Variants in RBM34 observed in about 807,000 individuals in gnomAD.
The protein encoded by RBM34 is RNA binding motif protein 34.
A neutral mutation model predicts 44.6 loss-of-function variants in RBM34; 39 were observed. The ratio of observed to expected loss-of-function variants is 0.87; its 90% CI spans 0.68 to 1.14. RBM34 has a LOEUF of 1.14. Among genes scored for constraint, RBM34 ranks in the 50% most tolerant of loss-of-function variants. The pLI is 0.00. For missense variants in RBM34, 572 were observed against 517.9 expected (o/e 1.10, Z -1.01); for synonymous variants, 194 against 184.0 (o/e 1.05, Z -0.44).
rs1031123962 is a variant in RBM34 at position 235,131,641 on chromosome 1, C to T, written c.*72G>A. ...TAAAACTCAACACATGAATAGCAGA[C>T]GATGCTATCAGCAGATAATAGCACT... On this transcript the variant is annotated 3_prime_UTR_variant, in exon 11 of 11. Coordinates refer to ENST00000408888, the MANE Select transcript of RBM34 (RefSeq NM_015014.4). 9 of 1,448,528 alleles carry T rather than the reference C, an allele frequency of 6.2e-6. No individual in the cohort carries two copies. Among genetic ancestry groups the T allele is most frequent in the East Asian group, 4.6e-5 (2 of 43,866 alleles). 89.7% of individuals were successfully genotyped at this position (1,448,528 alleles called of 1,614,324 possible).
intron 3 of RBM34, among the ~76,000 whole-genome samples, chr1:235,159,204 C>T (rs1282942864): frequency 6.8e-6 from 1 of 147,948 alleles, no homozygotes; most frequent in African/African-American, 2.5e-5. Context: ...CAGAGCCAGA[C>T]CTTGTCTCAA....
At chr1:235,137,214 G>A (rs1661464739) in intron 8 of RBM34, among the ~76,000 whole-genome samples, 1 of 152,122 alleles carries the variant, frequency 6.6e-6, no homozygotes, top group South Asian at 2.1e-4. Flanking sequence ...TCAGCTCCTA[G>A]GAAGTTGAGA....
chr1:235,148,609 T>C (rs890345345), intron 5 of RBM34, among the ~76,000 whole-genome samples, 162 bp from the exon 6 acceptor site: 12 of 151,946 alleles, frequency 7.9e-5, no homozygotes, highest in Admixed American at 6.6e-4. Flanking sequence ...TTTTTTTTTT[T>C]TCCTGTTGAG....
At position 235,139,018 on chromosome 1, in the gene RBM34, T is replaced by C. The variant is rs530547782; in HGVS notation, c.702-844A>G. On this transcript the variant is annotated intron_variant, in intron 6 of 10. Transcript: ENST00000408888. ...GTCGCGACTGCTGGTGGGTGTTGTG[T>C]TCTTTCCAGGGAGTCATGTTATGAC... Among the ~76,000 whole-genome samples the C allele has an allele frequency of 2.5e-4, 38 of 152,326 alleles. No individual in the cohort carries two copies. In the South Asian group the frequency reaches 7.5e-3, roughly 30 times the overall value.
intron 6 of RBM34, among the ~76,000 whole-genome samples, chr1:235,146,559 C>A (rs1661915745): frequency 6.6e-6 from 1 of 152,074 alleles, no homozygotes; most frequent in Admixed American, 6.5e-5. Context: ...ACATAAGAAA[C>A]TAAAAACACT....
chr1:235,138,505 AAC>A (rs1661531891), intron 6 of RBM34, among the ~76,000 whole-genome samples: 1 of 152,210 alleles, frequency 6.6e-6, no homozygotes, highest in African/African-American at 2.4e-5. Context: ...CACACATATA[AAC>A]AGTTGTGAAA....
chr1:235,149,199 T>C lies in RBM34; in HGVS notation c.658-752A>G, dbSNP rs565899081. Among the ~76,000 whole-genome samples the C allele has an allele frequency of 4.6e-5, 7 of 151,562 alleles. No individual in the cohort carries two copies. In the South Asian group the frequency reaches 6.3e-4, roughly 14 times the overall value. ...GTCAGGAGGTTGAGACCATCCTGGC[T>C]AACACGGTGAAACCCCATCTCTACT... On this transcript the variant is annotated intron_variant, in intron 5 of 10. Coordinates refer to ENST00000408888, the MANE Select transcript of RBM34 (RefSeq NM_015014.4).
chr1:235,159,678 T>C (rs899023712), intron 3 of RBM34, among the ~76,000 whole-genome samples: 5 of 151,716 alleles, frequency 3.3e-5, no homozygotes, highest in African/African-American at 1.2e-4. Flanking sequence ...AAGACCAACC[T>C]GGCCAACATG....
intron 10 of RBM34, among the ~76,000 whole-genome samples, chr1:235,135,227 T>G (rs373866343): frequency 7.8e-6 from 1 of 127,676 alleles, no homozygotes; most frequent in Non-Finnish European, 1.7e-5. Context: ...AAATTTTTTG[T>G]ATTTTTTTTT....
chr1:235,154,271 C>A (rs911531717), intron 4 of RBM34, among the ~76,000 whole-genome samples: 1 of 149,466 alleles, frequency 6.7e-6, no homozygotes, highest in Non-Finnish European at 1.5e-5. Context: ...GAGAGAGAGA[C>A]AGAATGATGA....
At chr1:235,139,130 T>G (rs1661566553) in intron 6 of RBM34, among the ~76,000 whole-genome samples, 2 of 152,190 alleles carry the variant, frequency 1.3e-5, no homozygotes, top group South Asian at 4.1e-4. Context: ...AATGGTGATA[T>G]AATTTGGATG....
In RBM34 at chr1:235,152,756, A is replaced by T. The variant is rs1479352779; in HGVS notation, c.607T>A (p.Ser203Thr). 11 of 1,580,620 alleles carry T rather than the reference A, an allele frequency of 7.0e-6. No homozygotes were observed. Among genetic ancestry groups the T allele is most frequent in the Non-Finnish European group, 9.4e-6 (11 of 1,164,926 alleles). ...ATTTGTCCATACTCTTTAAAAAACG[A>T]CTTCAGCTTCTAAAATTAAAAAAAA... ...PVTCNKKKLK[S>T]FFKEYGQIES... Residue 203 changes from serine to threonine, a missense_variant, in exon 5 of 11, where the codon TCG becomes ACG. By Grantham distance (58) the Ser-to-Thr change is moderately conservative. Coordinates refer to ENST00000408888, the MANE Select transcript of RBM34 (RefSeq NM_015014.4).
chr1:235,136,836 C>A (rs946871728), intron 8 of RBM34, among the ~76,000 whole-genome samples: 1 of 152,254 alleles, frequency 6.6e-6, no homozygotes, highest in Non-Finnish European at 1.5e-5. Context: ...AACAGCAACT[C>A]TTACATACCT....
In RBM34 at chr1:235,138,098, A is replaced by G. The variant is rs761532312; in HGVS notation, c.778T>C (p.Leu260=). ...CCTAAGGGATAAAATTACCTTTTCAATGCTTGCGTGGCAGCACTCTCCTCC... is the reference window on the plus strand; with the variant it reads ...CCTAAGGGATAAAATTACCTTTTCAGTGCTTGCGTGGCAGCACTCTCCTCC... ...FKEESAATQA[L]KRNGAQIADG... The change falls in exon 7 of 11, where the codon TTG becomes CTG. Residue 260 remains leucine (L), a synonymous_variant. Transcript: ENST00000408888. 2 of 1,606,916 alleles carry G rather than the reference A, an allele frequency of 1.2e-6. No individual in the cohort carries two copies. The highest frequency in any genetic ancestry group is 8.5e-7 in the Non-Finnish European group (1 of 1,176,470).
At chr1:235,159,091 T>C (rs1572171960) in intron 3 of RBM34, among the ~76,000 whole-genome samples, 2 of 151,636 alleles carry the variant, frequency 1.3e-5, no homozygotes, top group South Asian at 4.2e-4. Flanking sequence ...GGCATGCCTA[T>C]AGTCTAAGCA....
chr1:235,148,521 CTAAG>C, intron 5 of RBM34, 74 bp from the exon 6 acceptor site: 1 of 1,133,478 alleles, frequency 8.8e-7, no homozygotes, highest in Admixed American at 2.3e-5. Context: ...TAAGTGAAGT[CTAAG>C]TATCTAACTC....
intron 5 of RBM34, among the ~76,000 whole-genome samples, chr1:235,151,807 C>T (rs796931127): frequency 1.3e-5 from 2 of 151,922 alleles, no homozygotes; most frequent in African/African-American, 2.4e-5. Context: ...CTGAGGCAGG[C>T]GAATCACCTG....
intron 2 of RBM34, 47 bp downstream of exon 2, chr1:235,160,846 G>A (rs749444026): frequency 1.4e-5 from 22 of 1,601,636 alleles, no homozygotes; most frequent in Non-Finnish European, 1.8e-5. Flanking sequence ...TGCTTTGTAT[G>A]TAAGTGGTTC....
rs765499478 is a variant in RBM34, at chr1:235,161,189, C to A, written c.38G>T (p.Arg13Ile). 6.2e-7 allele frequency: 1 copy of A among 1,608,480 alleles called. No homozygotes were observed. The highest frequency in any genetic ancestry group is 8.5e-7 in the Non-Finnish European group (1 of 1,176,472). ...LEGMSKRKRK[R>I]SVQEGENPDD... ...CGCCACTCACCCCTCCTGGACACTTCTCTTTCTCTTCCGTTTGCTCATCCC... is the reference window on the plus strand; with the variant it reads ...CGCCACTCACCCCTCCTGGACACTTATCTTTCTCTTCCGTTTGCTCATCCC... Residue 13 changes from arginine (R) to isoleucine (I), a missense_variant, in exon 1 of 11, where the codon AGA becomes ATA. By Grantham distance (97) the Arg-to-Ile change is moderately conservative. Transcript: ENST00000408888.
Sources: gnomAD v4.1 joint callset for allele counts (sites outside exome capture counted in the v4.1 genomes callset) on GRCh38, gnomAD v4.1.1 for gene constraint, MANE v1.5 for transcripts, NCBI Gene and HGNC (gene_info 2026-07-23, HGNC 2026-07-21) for gene names.